DNMT3A: variants seen among roughly 807,000 people sequenced by gnomAD.
DNMT3A encodes the protein DNA methyltransferase 3 alpha.
DNMT3A carries 267 observed loss-of-function variants against 117.6 expected under a neutral mutation model. That is an observed-to-expected ratio of 2.27 (90% CI 2.05 to 2.51). DNMT3A has a LOEUF of 2.51. Among genes scored for constraint, DNMT3A ranks in the 30% most tolerant of loss-of-function variants. The pLI is 0.00. For missense variants in DNMT3A, 1,029 were observed against 1,260.2 expected (o/e 0.82, Z 2.78); for synonymous variants, 432 against 474.8 (o/e 0.91, Z 1.17).
At chr2:25,240,834 GAA>G in intron 17 of DNMT3A, 104 bp from the exon 18 acceptor site, 1 of 1,145,892 alleles carries the variant, frequency 8.7e-7, no homozygotes, top group Non-Finnish European at 1.3e-6. Context: ...CCTTTGACAC[GAA>G]AGAGAGGAGA....
chr2:25,296,319 G>A lies in DNMT3A; in HGVS notation c.177+3820C>T, dbSNP rs574393228. 2.4e-4 allele frequency among the ~76,000 whole-genome samples: 37 copies of A among 152,308 alleles called. 1 individual carries two copies. The East Asian group carries it at 6.9e-3, about 29-fold the overall frequency. ...GCTGTGGTGCTGGGGCAGGCGGAGA[G>A]AAGGCAGGCTGTGGAACTGTGTAAG... On this transcript the variant is annotated intron_variant, in intron 3 of 22. Transcript: ENST00000321117. The surrounding 1 kb of genome is among the most constrained non-coding windows in gnomAD (Gnocchi z 4.2).
At position 25,235,840 on chromosome 2, in the gene DNMT3A, G is replaced by A. The variant is rs377534934; in HGVS notation, c.2479-15C>T. ...ACTTTGCTGAACTAGATGAAGAGGA[G>A]AAAAGAGGAATAAGCACGAATTCAT... is the stretch of plus-strand genomic sequence containing the variant. On this transcript the variant is annotated splice_polypyrimidine_tract_variant and intron_variant, in intron 21 of 22. Coordinates refer to ENST00000321117, the MANE Select transcript of DNMT3A (RefSeq NM_022552.5). 498 of 1,604,934 alleles carry A rather than the reference G, an allele frequency of 3.1e-4. No individual in the cohort carries two copies. The highest frequency in any genetic ancestry group is 4.0e-4 in the Non-Finnish European group (465 of 1,171,694).
intron 16 of DNMT3A, chr2:25,242,030 T>C (rs902676694): frequency 1.1e-5 from 4 of 355,640 alleles, no homozygotes; most frequent in Non-Finnish European, 2.0e-5. Flanking sequence ...GTTGTCCGTC[T>C]ACAACTTGGT....
At position 25,245,307 on chromosome 2, in the gene DNMT3A, G is replaced by A; in HGVS notation, c.1500C>T (p.Leu500=). 1 of 1,613,956 alleles carries A rather than the reference G, an allele frequency of 6.2e-7. No individual in the cohort carries two copies. The highest frequency in any genetic ancestry group is 8.5e-7 in the Non-Finnish European group (1 of 1,179,976). ...IEDICISCGS[L]NVTLEHPLFV... ...AGAGGGGGTGTTCCAGGGTAACATT[G>A]AGGCTCCCACAGGAGATGCAGATGT... The change falls in exon 13 of 23, where the codon CTC becomes CTT. Residue 500 remains leucine (L), a synonymous_variant. Coordinates refer to ENST00000321117, the MANE Select transcript of DNMT3A (RefSeq NM_022552.5).
chr2:25,250,048 T>C (rs960685931), intron 6 of DNMT3A, among the ~76,000 whole-genome samples: 2 of 152,154 alleles, frequency 1.3e-5, no homozygotes, highest in Non-Finnish European at 2.9e-5. Flanking sequence ...CAGTCCTTTC[T>C]AGGAGTTGCT....
intron 6 of DNMT3A, among the ~76,000 whole-genome samples, chr2:25,248,850 C>G (rs915461025): frequency 1.3e-5 from 2 of 151,982 alleles, no homozygotes; most frequent in African/African-American, 4.8e-5. Context: ...GTCTAGCCTA[C>G]GTTAATGTTT....
intron 13 of DNMT3A, 101 bp downstream of exon 13, chr2:25,245,152 C>T (rs1305956810): frequency 1.6e-5 from 17 of 1,091,710 alleles, no homozygotes; most frequent in Middle Eastern, 2.0e-4. Flanking sequence ...ACACGCACAC[C>T]GGGTGTCACC....
At chr2:25,278,530 AT>A (rs2031639798) in intron 4 of DNMT3A, among the ~76,000 whole-genome samples, 1 of 152,218 alleles carries the variant, frequency 6.6e-6, no homozygotes, top group African/African-American at 2.4e-5. Flanking sequence ...AATGAGGATA[AT>A]AAGAGTCTTC....
intron 6 of DNMT3A, among the ~76,000 whole-genome samples, chr2:25,262,098 G>GAGAAT (rs1021438983): frequency 1.3e-5 from 2 of 149,772 alleles, no homozygotes; most frequent in Non-Finnish European, 2.9e-5. Flanking sequence ...GCTGAGGCAG[G>GAGAAT]AGAATCACTT....
intron 12 of DNMT3A, among the ~76,000 whole-genome samples, chr2:25,245,569 C>T (rs1039718099): frequency 2.0e-5 from 3 of 152,250 alleles, no homozygotes; most frequent in African/African-American, 7.2e-5. Flanking sequence ...AGGACAGAAA[C>T]CTGCTCATGA....
intron 17 of DNMT3A, among the ~76,000 whole-genome samples, chr2:25,240,989 T>G (rs1673959964): frequency 6.6e-6 from 1 of 152,130 alleles, no homozygotes; most frequent in Non-Finnish European, 1.5e-5. Flanking sequence ...ACTGGGAAGG[T>G]GACCCAAGTG....
At chr2:25,317,632 T>A (rs1364329701) in intron 1 of DNMT3A, among the ~76,000 whole-genome samples, 1 of 152,230 alleles carries the variant, frequency 6.6e-6, no homozygotes, top group Non-Finnish European at 1.5e-5. Flanking sequence ...TTTGAAGGTT[T>A]ATCTGTAGTC....
In DNMT3A at chr2:25,294,486, A is replaced by C. The variant is rs1404514039; in HGVS notation, c.177+5653T>G. 1.3e-5 allele frequency among the ~76,000 whole-genome samples: 2 copies of C among 152,146 alleles called. No homozygotes were observed. Among genetic ancestry groups the C allele is most frequent in the African/African-American group, 4.8e-5 (2 of 41,442 alleles). On this transcript the variant is annotated intron_variant, in intron 3 of 22. Transcript: ENST00000321117. The surrounding 1 kb of genome is among the most constrained non-coding windows in gnomAD (Gnocchi z 4.7). ...AGGGGTGGGCCAAGGGCTGCAGCCCAGGAGTGGGAGACACGATGTCAGGAA... is the reference window on the plus strand; with the variant it reads ...AGGGGTGGGCCAAGGGCTGCAGCCCCGGAGTGGGAGACACGATGTCAGGAA...
At chr2:25,246,478 C>G (rs1674787089) in intron 10 of DNMT3A, 142 bp downstream of exon 10, 6 of 1,440,828 alleles carry the variant, frequency 4.2e-6, no homozygotes, top group Non-Finnish European at 5.6e-6. Context: ...AGTCCTGACC[C>G]CAGGGCAAGA....
In DNMT3A at chr2:25,311,020, G is replaced by C. The variant is rs2034082664; in HGVS notation, c.72+2893C>G. ...TTTGACCAGGGAGGAGAAGAGATTA[G>C]GGAAAGGGCCCATGCGGCAGAGGGA... On this transcript the variant is annotated intron_variant, in intron 2 of 22. Coordinates refer to ENST00000321117, the MANE Select transcript of DNMT3A (RefSeq NM_022552.5). The surrounding 1 kb of genome is among the most constrained non-coding windows in gnomAD (Gnocchi z 5.2). 6.6e-6 allele frequency among the ~76,000 whole-genome samples: 1 copy of C among 152,136 alleles called. No individual in the cohort carries two copies. The highest frequency in any genetic ancestry group is 1.5e-5 in the Non-Finnish European group (1 of 68,026).
chr2:25,317,003 T>C (rs2034407395), intron 1 of DNMT3A, among the ~76,000 whole-genome samples: 2 of 152,244 alleles, frequency 1.3e-5, no homozygotes, highest in Non-Finnish European at 2.9e-5. Context: ...AACTGAAAGC[T>C]TTGAATATGC....
At position 25,293,335 on chromosome 2, in the gene DNMT3A, T is replaced by C. The variant is rs2032900409; in HGVS notation, c.177+6804A>G. On this transcript the variant is annotated intron_variant, in intron 3 of 22. Transcript: ENST00000321117. This position sits in a 1 kb window ranked among gnomAD's most constrained non-coding sequence, Gnocchi z 4.7. ...TGCTCATGCTCAGGGATGAACGCCA[T>C]GCTCATGGGTGCCAGAGCCAATTTC... Among the ~76,000 whole-genome samples, 1 of 152,164 alleles carries C rather than the reference T, an allele frequency of 6.6e-6. No individual in the cohort carries two copies. Among genetic ancestry groups the C allele is most frequent in the Admixed American group, 6.5e-5 (1 of 15,278 alleles).
At position 25,244,604 on chromosome 2, in the gene DNMT3A, AC is replaced by A; in HGVS notation, c.1602del (p.Gln534HisfsTer117). 1 of 1,614,158 alleles carries A rather than the reference AC, an allele frequency of 6.2e-7. No individual in the cohort carries two copies. On this transcript the variant is annotated frameshift_variant, in exon 14 of 23. Coordinates refer to ENST00000321117, the MANE Select transcript of DNMT3A (RefSeq NM_022552.5). LOFTEE classifies it high-confidence loss of function. ...CAYQYDDDGY[Q>X]SYCTICCGGR... is the part of the protein sequence containing the mutation. ...CCCCCACAGCAGATGGTGCAGTAGGACTGGTAGCCGTCGTCGTCGTACTGGT... is the reference window on the plus strand; with the variant it reads ...CCCCCACAGCAGATGGTGCAGTAGGATGGTAGCCGTCGTCGTCGTACTGGT...
Position 25,244,226 on chromosome 2 carries a change from G to A in DNMT3A, c.1780C>T (p.Leu594=), listed in dbSNP as rs749148537. 19 of 1,614,052 alleles carry A rather than the reference G, an allele frequency of 1.2e-5. No individual in the cohort carries two copies. Among genetic ancestry groups the A allele is most frequent in the Non-Finnish European group, 1.2e-5 (14 of 1,180,044 alleles). The change falls in exon 15 of 23, where the codon CTG becomes TTG. Residue 594 remains leucine, a synonymous_variant. Coordinates refer to ENST00000321117, the MANE Select transcript of DNMT3A (RefSeq NM_022552.5). The part of the protein sequence containing the change: ...YMCGHKGTYG[L]LRRREDWPSR... ...GGCCAGTCCTCTCGCCGCCGCAGCA[G>A]CCCGTAGGTACCCTTGTGCCCGCAC...
Sources: gnomAD v4.1 joint callset for allele counts (sites outside exome capture counted in the v4.1 genomes callset) on GRCh38, gnomAD v4.1.1 for gene constraint, Gnocchi (gnomAD v3.1) non-coding constraint, MANE v1.5 for transcripts, NCBI Gene and HGNC (gene_info 2026-07-23, HGNC 2026-07-21) for gene names.